The following PREX2 variants were observed in gnomAD, a reference collection of about 807,000 sequenced individuals.
The protein encoded by PREX2 is phosphatidylinositol 3,4,5-trisphosphate-dependent Rac exchanger 2 protein.
In PREX2, 107 loss-of-function variants were observed where a neutral mutation model predicts 203.2. The observed-to-expected ratio is 0.53, with a 90% CI of 0.45 to 0.62. PREX2 has a LOEUF of 0.62. PREX2 is among the 20% of genes least tolerant of loss of function. PREX2 has a pLI of 0.00. For missense variants in PREX2, 1,777 were observed against 1,955.9 expected, an observed-to-expected ratio of 0.91 and a Z score of 1.72; for synonymous variants, 672 against 663.6, an observed-to-expected ratio of 1.01 and a Z score of -0.19.
chr8:68,211,527 A>G (rs1251363696), intron 37 of PREX2, among the ~76,000 whole-genome samples: 1 of 152,184 alleles, frequency 6.6e-6, no homozygotes, highest in Non-Finnish European at 1.5e-5. Flanking sequence ...TATCACACTC[A>G]TCACTTCAGG....
intron 10 of PREX2, 148 bp from the exon 11 acceptor site, chr8:68,060,531 T>C (rs1363457452): frequency 5.0e-6 from 3 of 599,172 alleles, no homozygotes; most frequent in Non-Finnish European, 8.8e-6. Context: ...GCCTTACATA[T>C]GTGAAAAAAT....
At chr8:68,011,076 A>G (rs1436997395) in intron 1 of PREX2, among the ~76,000 whole-genome samples, 12 of 152,234 alleles carry the variant, frequency 7.9e-5, no homozygotes, top group Admixed American at 7.9e-4. Context: ...AGCTGTATAC[A>G]TGCCTGCCAG....
At position 68,099,877 on chromosome 8, in the gene PREX2, G is replaced by A. The variant is rs1332773166; in HGVS notation, c.2715+34G>A. On this transcript the variant is annotated intron_variant, in intron 23 of 39. Coordinates refer to ENST00000288368, the MANE Select transcript of PREX2 (RefSeq NM_024870.4). ...TCTATTGATTTTATACACAATTATTGTTGAAATTATTATTTGAATGTCAAA... is the reference window on the plus strand; with the variant it reads ...TCTATTGATTTTATACACAATTATTATTGAAATTATTATTTGAATGTCAAA... The A allele has an allele frequency of 4.0e-6, 6 of 1,507,520 alleles. No individual in the cohort carries two copies. In the East Asian group the frequency reaches 6.8e-5, roughly 17 times the overall value. The allele number at this position is 1,507,520 out of a possible 1,614,324, so 93.4% of individuals were successfully genotyped here. A position where few individuals can be genotyped will look rare whatever the true frequency, so the allele number is the denominator to read the frequency against.
At chr8:68,056,115 G>A (rs558927198) in intron 10 of PREX2, 141 bp downstream of exon 10, 35 of 765,802 alleles carry the variant, frequency 4.6e-5, no homozygotes, top group African/African-American at 1.1e-4. Flanking sequence ...TTTCCTGGGC[G>A]GTAGCAGGAT....
intron 35 of PREX2, among the ~76,000 whole-genome samples, chr8:68,180,890 A>G (rs1812072004): frequency 6.6e-6 from 1 of 152,100 alleles, no homozygotes; most frequent in Non-Finnish European, 1.5e-5. Context: ...ATGGAAAAGG[A>G]GAGGAGTTAT....
chr8:68,147,886 G>GA (rs35500937), intron 34 of PREX2, among the ~76,000 whole-genome samples: 72,693 of 151,876 alleles, frequency 0.48, 18,197 homozygotes, highest in African/African-American at 0.63. Context: ...TGAAAAGGAA[G>GA]AGAACAAAAA....
chr8:68,010,224 A>G (rs1191743702), intron 1 of PREX2, among the ~76,000 whole-genome samples: 1 of 152,226 alleles, frequency 6.6e-6, no homozygotes, highest in Admixed American at 6.5e-5. Context: ...CTAGCCTGGG[A>G]TCCTGAGCAG....
intron 35 of PREX2, among the ~76,000 whole-genome samples, chr8:68,164,861 T>A (rs1481031852): frequency 2.0e-5 from 3 of 149,728 alleles, no homozygotes; most frequent in Non-Finnish European, 3.0e-5. Context: ...GGATTACAGG[T>A]GTGAGCCACT....
chr8:68,002,700 G>A (rs928282708), intron 1 of PREX2, among the ~76,000 whole-genome samples: 6 of 151,836 alleles, frequency 4.0e-5, no homozygotes, highest in Non-Finnish European at 5.9e-5. Context: ...CCTTAAAAAT[G>A]TGAGTGGTTC....
chr8:68,226,238 C>T (rs1387561055), intron 39 of PREX2, among the ~76,000 whole-genome samples: 1 of 152,130 alleles, frequency 6.6e-6, no homozygotes, highest in African/African-American at 2.4e-5. Context: ...CTCTGCTATG[C>T]CCCAAGGAGA....
At position 68,080,964 on chromosome 8, in the gene PREX2, C is replaced by G. The variant is rs573211530; in HGVS notation, c.1878+126C>G. ...AAATTATCTTTATCAAACATAATGT[C>G]TCTGGATAATCTTACTCACAGGTTC... is the stretch of plus-strand genomic sequence containing the variant. On this transcript the variant is annotated intron_variant, in intron 17 of 39. Transcript: ENST00000288368. 7.0e-5 allele frequency: 47 copies of G among 669,848 alleles called. No individual in the cohort carries two copies. The African/African-American group carries it at 8.1e-4, about 12-fold the overall frequency. 41.5% of individuals were successfully genotyped at this position (669,848 alleles called of 1,614,324 possible).
chr8:68,106,547 A>G (rs1810417291), intron 23 of PREX2, among the ~76,000 whole-genome samples: 1 of 152,200 alleles, frequency 6.6e-6, no homozygotes, highest in Non-Finnish European at 1.5e-5. Flanking sequence ...AGCTTCTGAC[A>G]TGTGAATTGA....
chr8:68,215,971 C>T (rs1316524199), intron 37 of PREX2, among the ~76,000 whole-genome samples: 1 of 152,158 alleles, frequency 6.6e-6, no homozygotes, highest in Non-Finnish European at 1.5e-5. Flanking sequence ...AGTTTGTGAA[C>T]ATCATGTACA....
At chr8:68,188,688 ACT>A (rs1439151321) in intron 35 of PREX2, among the ~76,000 whole-genome samples, 1 of 151,970 alleles carries the variant, frequency 6.6e-6, no homozygotes, top group Non-Finnish European at 1.5e-5. Flanking sequence ...GTGCAGGGGA[ACT>A]CTCATATACA....
intron 1 of PREX2, among the ~76,000 whole-genome samples, chr8:67,961,798 A>G (rs1805640977): frequency 6.6e-6 from 1 of 152,222 alleles, no homozygotes. Context: ...AATTTGTTGT[A>G]TAGCCTTACA....
chr8:68,033,103 G>A (rs908702025), intron 6 of PREX2, among the ~76,000 whole-genome samples: 4 of 151,958 alleles, frequency 2.6e-5, no homozygotes, highest in Non-Finnish European at 4.4e-5. Context: ...GAAAGCTTTT[G>A]TTTTAAACAA....
intron 1 of PREX2, among the ~76,000 whole-genome samples, chr8:67,980,708 T>A (rs146752011): frequency 3.5e-4 from 54 of 152,356 alleles, no homozygotes; most frequent in African/African-American, 1.3e-3. Flanking sequence ...GTTCTCATGA[T>A]AGTGAGTGAG....
rs1322460099 is a variant in PREX2, at chr8:68,096,998, A to G, written c.2369-19A>G. On this transcript the variant is annotated intron_variant, in intron 21 of 39. Transcript: ENST00000288368. ...AAATCCTTCATGAATTTACTGAGTT[A>G]CAGTTGTCTTTGTTCCAGAGGTTAT... is the stretch of plus-strand genomic sequence containing the variant. 3.1e-6 allele frequency: 5 copies of G among 1,598,616 alleles called. No homozygotes were observed. Among genetic ancestry groups the G allele is most frequent in the Non-Finnish European group, 3.4e-6 (4 of 1,167,130 alleles).
At chr8:68,215,669 G>A (rs1410415843) in intron 37 of PREX2, among the ~76,000 whole-genome samples, 1 of 151,630 alleles carries the variant, frequency 6.6e-6, no homozygotes, top group Non-Finnish European at 1.5e-5. Flanking sequence ...CAAGTAGCTG[G>A]GACTACAGGC....
Sources: allele counts gnomAD v4.1 joint callset (sites outside exome capture counted in the v4.1 genomes callset), GRCh38; gene constraint gnomAD v4.1.1; transcripts MANE v1.5; gene names NCBI Gene and HGNC (gene_info 2026-07-23, HGNC 2026-07-21).